Variants in CHD6 observed in about 807,000 individuals in gnomAD.
CHD6 encodes chromodomain helicase DNA binding protein 6.
CHD6 carries 50 observed loss-of-function variants against 276.9 expected under a neutral mutation model. That is an observed-to-expected ratio of 0.18 (90% CI 0.14 to 0.23). The LOEUF (loss-of-function observed/expected upper bound fraction) is 0.23, where lower values mean the gene tolerates loss of function less well. Ranked by LOEUF, CHD6 falls within the 10% of genes least tolerant of loss-of-function variation. The pLI, the probability that CHD6 is intolerant of heterozygous loss-of-function variation, is 1.00. For missense variants in CHD6, 2,564 were observed against 3,365.8 expected (o/e 0.76, Z 5.89); for synonymous variants, 1,173 against 1,229.3 (o/e 0.95, Z 0.96).
intron 27 of CHD6, among the ~76,000 whole-genome samples, chr20:41,427,132 T>C (rs1318379895): frequency 6.6e-6 from 1 of 151,788 alleles, no homozygotes; most frequent in African/African-American, 2.4e-5. Flanking sequence ...AAGCCATATA[T>C]GGCCTTCTAG....
chr20:41,586,456 A>AC (rs1221358595), intron 1 of CHD6, among the ~76,000 whole-genome samples: 3 of 152,306 alleles, frequency 2.0e-5, no homozygotes, highest in East Asian at 3.9e-4. Flanking sequence ...CTCTTCCGTG[A>AC]CCCATGGCTT....
At chr20:41,414,775 C>T in intron 34 of CHD6, 6 of 1,037,132 alleles carry the variant, frequency 5.8e-6, no homozygotes, top group Non-Finnish European at 5.9e-6. Flanking sequence ...AGCAGAAGAG[C>T]CAGGATCACA....
chr20:41,462,689 T>C (rs2042829325), intron 17 of CHD6, among the ~76,000 whole-genome samples: 1 of 152,250 alleles, frequency 6.6e-6, no homozygotes. Flanking sequence ...TGTATTTATA[T>C]ACACACATAC....
chr20:41,590,686 C>T (rs1442303681), intron 1 of CHD6, among the ~76,000 whole-genome samples: 2 of 152,086 alleles, frequency 1.3e-5, no homozygotes, highest in Admixed American at 6.5e-5. Flanking sequence ...GTTAGAATGG[C>T]GATCATTAAA....
intron 17 of CHD6, among the ~76,000 whole-genome samples, chr20:41,471,277 CTG>C (rs980123714): frequency 1.7e-4 from 26 of 152,316 alleles, no homozygotes; most frequent in African/African-American, 6.3e-4. Flanking sequence ...ACCCCTTAAT[CTG>C]TATAATTGTC....
chr20:41,579,298 C>T (rs768201577), intron 1 of CHD6, among the ~76,000 whole-genome samples: 35 of 147,374 alleles, frequency 2.4e-4, no homozygotes, highest in Non-Finnish European at 3.6e-4. Flanking sequence ...ATTAGCTGGG[C>T]GTGGTGGCTC....
At chr20:41,590,085 A>G (rs1490460159) in intron 1 of CHD6, among the ~76,000 whole-genome samples, 1 of 152,210 alleles carries the variant, frequency 6.6e-6, no homozygotes. Context: ...CTGATGTTTG[A>G]CAAACCTGAC....
chr20:41,454,877 T>C, intron 19 of CHD6, 141 bp from the exon 20 acceptor site: 2 of 492,702 alleles, frequency 4.1e-6, no homozygotes, highest in Non-Finnish European at 7.2e-6. Flanking sequence ...CCAAAATGAA[T>C]TGAAAATCTC....
chr20:41,445,109 AG>A (rs1197071613), intron 25 of CHD6, among the ~76,000 whole-genome samples: 5 of 152,174 alleles, frequency 3.3e-5, no homozygotes, highest in African/African-American at 1.2e-4. Context: ...CACTTACTTC[AG>A]TTTTTCCAAG....
chr20:41,415,330 G>C lies in CHD6; in HGVS notation c.6795C>G (p.Ile2265Met). Residue 2265 changes from isoleucine to methionine, a missense_variant, in exon 34 of 37, where the codon ATC (isoleucine) becomes ATG (methionine). By Grantham distance (10) the Ile-to-Met change is conservative. Around this residue, in one of 7 missense-constraint regions of CHD6, gnomAD observed 1,024 missense variants for 1,047.9 expected, o/e 0.98. Coordinates refer to ENST00000373233, the MANE Select transcript of CHD6 (RefSeq NM_032221.5). Reference sequence around the variant, plus strand: ...TGACAATCTGTCCAGTCACAGGATGGATCAGGCCAGCTTGCAGAATCCCAG... The same window carrying C: ...TGACAATCTGTCCAGTCACAGGATGCATCAGGCCAGCTTGCAGAATCCCAG... ...DLSGILQAGL[I>M]HPVTGQIVNG... 3 of 1,614,140 alleles carry C rather than the reference G, an allele frequency of 1.9e-6. No homozygotes were observed. The highest frequency in any genetic ancestry group is 2.2e-5 in the South Asian group (2 of 91,082).
intron 1 of CHD6, among the ~76,000 whole-genome samples, chr20:41,602,496 A>G (rs1432158044): frequency 6.6e-6 from 1 of 152,204 alleles, no homozygotes; most frequent in Admixed American, 6.5e-5. Context: ...AACGAAACAC[A>G]GTCCAGTGAC....
intron 1 of CHD6, among the ~76,000 whole-genome samples, chr20:41,566,376 G>T (rs1273076159): frequency 2.0e-5 from 3 of 152,134 alleles, no homozygotes; most frequent in African/African-American, 7.2e-5. Context: ...TGGGGGGAAT[G>T]GAAAAAAGTC....
chr20:41,525,167 G>A (rs1043958633), intron 3 of CHD6, among the ~76,000 whole-genome samples: 3 of 152,174 alleles, frequency 2.0e-5, no homozygotes, highest in Admixed American at 2.0e-4. Context: ...TCAAGTGGCT[G>A]TCCCTCCCTC....
chr20:41,602,403 G>A (rs2045782685), intron 1 of CHD6, among the ~76,000 whole-genome samples: 1 of 152,174 alleles, frequency 6.6e-6, no homozygotes, highest in South Asian at 2.1e-4. Flanking sequence ...GACCACCAGA[G>A]CAGTTTTACC....
intron 5 of CHD6, among the ~76,000 whole-genome samples, chr20:41,510,135 C>G (rs1284778763): frequency 1.3e-5 from 2 of 152,166 alleles, no homozygotes; most frequent in Non-Finnish European, 2.9e-5. Flanking sequence ...ACCCAGAGGG[C>G]CCCGGGAGAA....
At chr20:41,504,772 T>TA (rs2043936990) in intron 5 of CHD6, among the ~76,000 whole-genome samples, 2 of 152,228 alleles carry the variant, frequency 1.3e-5, no homozygotes, top group South Asian at 4.1e-4. Context: ...CTGCCAACTC[T>TA]AATATCTGGA....
intron 2 of CHD6, among the ~76,000 whole-genome samples, chr20:41,546,049 A>G (rs557865683): frequency 5.9e-4 from 90 of 152,300 alleles, no homozygotes; most frequent in African/African-American, 2.0e-3. Context: ...GTTTGTAACC[A>G]GGCTAGAAAT....
At position 41,586,552 on chromosome 20, in the gene CHD6, AAGG is replaced by A. The variant is rs763780678; in HGVS notation, c.-24+31785_-24+31787del. Among the ~76,000 whole-genome samples the A allele has an allele frequency of 3.6e-4, 55 of 152,324 alleles. 1 individual carries two copies. Among genetic ancestry groups the A allele is most frequent in the Non-Finnish European group, 6.0e-4 (41 of 68,026 alleles). On this transcript the variant is annotated intron_variant, in intron 1 of 36. Transcript: ENST00000373233. Reference sequence around the variant, plus strand: ...CCAAGAACCCCAGGTCAGAGAACAAAAGGCTTGCTGCCATCTTGGGAGCGGCCC... The same window carrying A: ...CCAAGAACCCCAGGTCAGAGAACAAACTTGCTGCCATCTTGGGAGCGGCCC...
At chr20:41,598,885 T>C (rs1193240174) in intron 1 of CHD6, among the ~76,000 whole-genome samples, 1 of 152,152 alleles carries the variant, frequency 6.6e-6, no homozygotes, top group Non-Finnish European at 1.5e-5. Context: ...CCTAATTCAA[T>C]TGGCCATCCC....
Sources: gnomAD v4.1 joint callset for allele counts (sites outside exome capture counted in the v4.1 genomes callset) on GRCh38, gnomAD v4.1.1 for gene constraint, gnomAD v4.1.1 regional missense constraint, MANE v1.5 for transcripts, NCBI Gene and HGNC (gene_info 2026-07-23, HGNC 2026-07-21) for gene names.